The following PDE7B variants were observed in gnomAD, a reference collection of about 807,000 sequenced individuals.
PDE7B encodes the protein phosphodiesterase 7B.
PDE7B carries 29 observed loss-of-function variants against 56.2 expected under a neutral mutation model. The ratio of observed to expected loss-of-function variants is 0.52; its 90% CI spans 0.38 to 0.70. PDE7B has a LOEUF of 0.70. PDE7B is among the 30% of genes least tolerant of loss of function. PDE7B has a pLI of 0.00. For synonymous variants in PDE7B, 197 were observed against 196.9 expected (o/e 1.00, Z 0.00); for missense variants, 490 against 565.0 (o/e 0.87, Z 1.35).
At chr6:136,186,332 G>T (rs1049464081) in intron 11 of PDE7B, among the ~76,000 whole-genome samples, 1 of 152,144 alleles carries the variant, frequency 6.6e-6, no homozygotes, top group African/African-American at 2.4e-5. Context: ...GGAGGCTAAA[G>T]CAGAAGGGTT....
chr6:136,092,149 G>A (rs1777397879), intron 2 of PDE7B, among the ~76,000 whole-genome samples: 1 of 152,088 alleles, frequency 6.6e-6, no homozygotes, highest in Non-Finnish European at 1.5e-5. Flanking sequence ...CTTAGAATAG[G>A]TATTCAATGA....
chr6:135,991,101 C>T lies in PDE7B; in HGVS notation c.82+43577C>T, dbSNP rs114073891. ...CACTGGTGGGAGTGTAGCAGTGAGA[C>T]GACCAGAGGTCACTCTTACCGCCAT... On this transcript the variant is annotated intron_variant, in intron 2 of 12. Transcript: ENST00000308191. Among the ~76,000 whole-genome samples, 531 of 152,262 alleles carry T rather than the reference C, an allele frequency of 3.5e-3. 2 individuals carry two copies. Among genetic ancestry groups the T allele is most frequent in the African/African-American group, 0.011 (455 of 41,548 alleles).
intron 8 of PDE7B, among the ~76,000 whole-genome samples, chr6:136,173,447 C>T (rs1273266575): frequency 1.3e-5 from 2 of 152,134 alleles, no homozygotes; most frequent in Non-Finnish European, 2.9e-5. Context: ...ACTGGCTAGC[C>T]GTATGTAGAA....
intron 1 of PDE7B, among the ~76,000 whole-genome samples, chr6:135,886,815 CT>C (rs1338544964): frequency 6.6e-6 from 1 of 152,104 alleles, no homozygotes; most frequent in Admixed American, 6.6e-5. Context: ...GCAAATTGTG[CT>C]GCTGTAAACA....
At chr6:136,001,544 G>A (rs1259696120) in intron 2 of PDE7B, among the ~76,000 whole-genome samples, 4 of 152,074 alleles carry the variant, frequency 2.6e-5, no homozygotes, top group Admixed American at 6.5e-5. Flanking sequence ...CGAGAACTAC[G>A]TGAAGAATGC....
At position 136,147,388 on chromosome 6, in the gene PDE7B, G is replaced by A. The variant is rs1421217683; in HGVS notation, c.204G>A (p.Lys68=). Residue 68 remains lysine (K), a synonymous_variant, in exon 4 of 13, where the codon AAG becomes AAA. Coordinates refer to ENST00000308191, the MANE Select transcript of PDE7B (RefSeq NM_018945.4). ...TYSGEIGTKK[K]VKRLLSFQRY... Reference sequence around the variant, plus strand: ...CAGGGGAGATTGGCACCAAGAAAAAGGTGAAAAGACTATTAAGCTTTCAAA... The same window carrying A: ...CAGGGGAGATTGGCACCAAGAAAAAAGTGAAAAGACTATTAAGCTTTCAAA... 2 of 1,613,070 alleles carry A rather than the reference G, an allele frequency of 1.2e-6. No individual in the cohort carries two copies. Among genetic ancestry groups the A allele is most frequent in the Non-Finnish European group, 1.7e-6 (2 of 1,179,116 alleles).
chr6:135,997,568 T>C (rs1378625457), intron 2 of PDE7B, among the ~76,000 whole-genome samples: 1 of 151,982 alleles, frequency 6.6e-6, no homozygotes, highest in African/African-American at 2.4e-5. Flanking sequence ...AAAAAGCTCT[T>C]TATACAGAGA....
At chr6:135,962,253 C>T (rs947405303) in intron 2 of PDE7B, among the ~76,000 whole-genome samples, 1 of 152,050 alleles carries the variant, frequency 6.6e-6, no homozygotes, top group Admixed American at 6.6e-5. Context: ...CTAAACTTAA[C>T]CTTCATGTGT....
chr6:135,963,930 G>C (rs979100177), intron 2 of PDE7B, among the ~76,000 whole-genome samples: 22 of 152,264 alleles, frequency 1.4e-4, no homozygotes, highest in African/African-American at 4.8e-4. Flanking sequence ...GAGCTCTAAA[G>C]AGGCCCTGAA....
chr6:136,054,042 A>C (rs1436513994), intron 2 of PDE7B, among the ~76,000 whole-genome samples: 40 of 151,994 alleles, frequency 2.6e-4, no homozygotes, highest in Non-Finnish European at 4.4e-5. Flanking sequence ...TTTGCTGTGC[A>C]GAAGCTCTTT....
intron 4 of PDE7B, 45 bp downstream of exon 4, chr6:136,147,547 A>C: frequency 6.4e-7 from 1 of 1,566,082 alleles, no homozygotes; most frequent in East Asian, 2.2e-5. Flanking sequence ...AGTGGCCAAG[A>C]GCATGTGCCT....
intron 2 of PDE7B, among the ~76,000 whole-genome samples, chr6:135,983,203 T>G (rs2128204436): frequency 6.6e-6 from 1 of 152,326 alleles, no homozygotes; most frequent in South Asian, 2.1e-4. Context: ...CTTTGGGGTC[T>G]GGAGAAACCG....
At chr6:135,928,446 TA>T (rs1562442792) in intron 1 of PDE7B, among the ~76,000 whole-genome samples, 2 of 114,554 alleles carry the variant, frequency 1.7e-5, no homozygotes, top group African/African-American at 7.2e-5. Flanking sequence ...TATATATATA[TA>T]TTTATTTATA....
At chr6:136,184,474 G>A (rs987350235) in intron 11 of PDE7B, among the ~76,000 whole-genome samples, 13 of 152,156 alleles carry the variant, frequency 8.5e-5, no homozygotes, top group Admixed American at 8.5e-4. Flanking sequence ...ATAAAAAATA[G>A]AGTTCCTCAG....
At chr6:135,945,054 T>C (rs1774571919) in intron 1 of PDE7B, among the ~76,000 whole-genome samples, 1 of 141,502 alleles carries the variant, frequency 7.1e-6, no homozygotes, top group Non-Finnish European at 1.6e-5. Context: ...CATTTAAAAA[T>C]ATTAACACTT....
At chr6:135,879,980 A>G (rs1775576203) in intron 1 of PDE7B, among the ~76,000 whole-genome samples, 2 of 152,202 alleles carry the variant, frequency 1.3e-5, no homozygotes, top group African/African-American at 4.8e-5. Context: ...TCTACCCCCA[A>G]ATTAAATAAG....
intron 2 of PDE7B, among the ~76,000 whole-genome samples, chr6:135,949,543 T>C (rs906630493): frequency 2.6e-5 from 4 of 152,074 alleles, no homozygotes; most frequent in Non-Finnish European, 4.4e-5. Context: ...TTACAGTTAA[T>C]TGAGCACTTA....
At chr6:135,968,991 A>G (rs866602080) in intron 2 of PDE7B, among the ~76,000 whole-genome samples, 1 of 152,188 alleles carries the variant, frequency 6.6e-6, no homozygotes, top group Admixed American at 6.5e-5. Context: ...TTGCAGGGAC[A>G]TGGATGGAGC....
intron 2 of PDE7B, among the ~76,000 whole-genome samples, chr6:135,982,038 C>A (rs997841378): frequency 1.3e-5 from 2 of 152,066 alleles, no homozygotes; most frequent in Admixed American, 6.6e-5. Context: ...TCCTATGGGA[C>A]CATCATTGTA....
Sources: gnomAD v4.1 joint callset for allele counts (sites outside exome capture counted in the v4.1 genomes callset) on GRCh38, gnomAD v4.1.1 for gene constraint, MANE v1.5 for transcripts, NCBI Gene and HGNC (gene_info 2026-07-23, HGNC 2026-07-21) for gene names.